Variants in PTRHD1 observed in about 807,000 individuals in gnomAD.
The protein encoded by PTRHD1 is peptidyl-tRNA hydrolase domain containing 1, also known as putative peptidyl-tRNA hydrolase PTRHD1.
PTRHD1 carries 12 observed loss-of-function variants against 13.6 expected under a neutral mutation model. The ratio of observed to expected loss-of-function variants is 0.88; its 90% CI spans 0.57 to 1.43. The LOEUF is 1.43. Among genes scored for constraint, PTRHD1 ranks in the 40% most tolerant of loss-of-function variants. PTRHD1 has a pLI of 0.00. For missense variants in PTRHD1, 203 were observed against 184.7 expected, an observed-to-expected ratio of 1.10 and a Z score of -0.57; for synonymous variants, 86 against 79.5, an observed-to-expected ratio of 1.08 and a Z score of -0.43.
At chr2:24,793,034 C>T in intron 1 of PTRHD1, 92 bp downstream of exon 1, 1 of 1,434,792 alleles carries the variant, frequency 7.0e-7, no homozygotes, top group African/African-American at 1.4e-5. Flanking sequence ...TCCCGCCGCA[C>T]CCACTCCCCG....
At chr2:24,792,339 T>G (rs747345859) in intron 1 of PTRHD1, 12 of 152,204 alleles carry the variant, frequency 7.9e-5, no homozygotes, top group Non-Finnish European at 1.8e-4. Context: ...AGGTAGAAAA[T>G]TTTAAAAATA....
chr2:24,793,166 T>C lies in PTRHD1; in HGVS notation c.212A>G (p.Tyr71Cys). 1 of 1,613,348 alleles carries C rather than the reference T, an allele frequency of 6.2e-7. No homozygotes were observed. The change falls in exon 1 of 2, where the codon TAC (tyrosine) becomes TGC (cysteine). Residue 71 changes from tyrosine (Y) to cysteine (C), a missense_variant. Tyr to Cys is a radical substitution (Grantham distance 194). Transcript: ENST00000328379. ...THRDHPHTAA[Y>C]LQELGRMRKV... ...GCGCATGCGCCCCAGCTCTTGGAGGTAAGCGGCTGTGTGCGGGTGGTCGCG... is the reference window on the plus strand; with the variant it reads ...GCGCATGCGCCCCAGCTCTTGGAGGCAAGCGGCTGTGTGCGGGTGGTCGCG...
intron 1 of PTRHD1, chr2:24,791,648 A>G (rs1665627795): frequency 6.6e-6 from 1 of 152,194 alleles, no homozygotes; most frequent in Admixed American, 6.5e-5. Context: ...GCAGCAGCAG[A>G]GCATAGTGAG....
At chr2:24,792,205 T>C (rs6545730) in intron 1 of PTRHD1, among the ~76,000 whole-genome samples, 116,806 of 152,178 alleles carry the variant, frequency 0.77, 45,811 homozygotes, top group East Asian at 0.96. Flanking sequence ...TCTATCTTTG[T>C]CAGTTACCCA....
intron 1 of PTRHD1, 101 bp downstream of exon 1, chr2:24,793,025 C>A (rs894772230): frequency 3.6e-6 from 5 of 1,385,682 alleles, no homozygotes; most frequent in Non-Finnish European, 4.9e-6. Context: ...CACCCCAACT[C>A]CCGCCGCACC....
chr2:24,790,502 T>G lies in PTRHD1; in HGVS notation c.332A>C (p.Gln111Pro), dbSNP rs141610089. Residue 111 changes from glutamine to proline, a missense_variant, in exon 2 of 2, where the codon CAA becomes CCA. Coordinates refer to ENST00000328379, the MANE Select transcript of PTRHD1 (RefSeq NM_001013663.2). ...KNIDHMLWLE[Q>P]PENIATCIAL... ...AATACAAGTGGCGATATTCTCTGGT[T>G]GCTCAAGCCACAGCATGTGGTCAAT... The G allele has an allele frequency of 1.9e-6, 3 of 1,614,234 alleles. No individual in the cohort carries two copies. Among genetic ancestry groups the G allele is most frequent in the African/African-American group, 2.7e-5 (2 of 75,064 alleles).
chr2:24,789,781 T>C lies in PTRHD1; in HGVS notation c.*630A>G, dbSNP rs1328262109. Reference sequence around the variant, plus strand: ...TAATAAATCTGTATGTATGTACATATATATAGACACACACAAATTTTAACT... The same window carrying C: ...TAATAAATCTGTATGTATGTACATACATATAGACACACACAAATTTTAACT... On this transcript the variant is annotated 3_prime_UTR_variant, in exon 2 of 2. Transcript: ENST00000328379. 2 of 152,496 alleles carry C rather than the reference T, an allele frequency of 1.3e-5. No homozygotes were observed. Among genetic ancestry groups the C allele is most frequent in the African/African-American group, 4.8e-5 (2 of 41,468 alleles). 9.4% of individuals were successfully genotyped at this position (152,496 alleles called of 1,614,324 possible).
At chr2:24,793,090 T>C in intron 1 of PTRHD1, 36 bp downstream of exon 1, 4 of 1,595,524 alleles carry the variant, frequency 2.5e-6, no homozygotes, top group Non-Finnish European at 2.6e-6. Context: ...CCGCCCTCGA[T>C]GTCTCAGCAC....
In PTRHD1 at chr2:24,793,037, A is replaced by G. The variant is rs180831097; in HGVS notation, c.252+89T>C. The G allele has an allele frequency of 3.9e-5, 56 of 1,452,316 alleles. No homozygotes were observed. The East Asian group carries it at 1.4e-3, about 36-fold the overall frequency. 90.0% of individuals were successfully genotyped at this position (1,452,316 alleles called of 1,614,324 possible). A position where few individuals can be genotyped will look rare whatever the true frequency, so the allele number is the denominator to read the frequency against. ...GATCACCCCAACTCCCGCCGCACCCACTCCCCGCAGCCAGGCCTTCGGACC... is the reference window on the plus strand; with the variant it reads ...GATCACCCCAACTCCCGCCGCACCCGCTCCCCGCAGCCAGGCCTTCGGACC... On this transcript the variant is annotated intron_variant, in intron 1 of 1. Transcript: ENST00000328379.
chr2:24,790,469 C>G lies in PTRHD1; in HGVS notation c.365G>C (p.Arg122Pro). ...PENIATCIALRPYPKEEVGQY... is the reference protein window; with the variant it reads ...PENIATCIALPPYPKEEVGQY... ...GCCCACTTCTTCCTTGGGGTAGGGCCGGAGAGCAATACAAGTGGCGATATT... is the reference window on the plus strand; with the variant it reads ...GCCCACTTCTTCCTTGGGGTAGGGCGGGAGAGCAATACAAGTGGCGATATT... Residue 122 changes from arginine (R) to proline (P), a missense_variant, in exon 2 of 2, where the codon CGG becomes CCG. Arg to Pro is a moderately radical substitution (Grantham distance 103). Coordinates refer to ENST00000328379, the MANE Select transcript of PTRHD1 (RefSeq NM_001013663.2). The G allele has an allele frequency of 6.2e-7, 1 of 1,614,108 alleles. No homozygotes were observed. The highest frequency in any genetic ancestry group is 8.5e-7 in the Non-Finnish European group (1 of 1,180,024).
Position 24,790,342 on chromosome 2 carries a change from T to G in PTRHD1, c.*69A>C. ...TCACAACTGAAAGACGGGAGCAAGC[T>G]GACACTGCAAGGAACACATGATGCT... On this transcript the variant is annotated 3_prime_UTR_variant, in exon 2 of 2. Transcript: ENST00000328379. The G allele has an allele frequency of 2.0e-6, 3 of 1,533,074 alleles. No homozygotes were observed. The highest frequency in any genetic ancestry group is 2.7e-6 in the Non-Finnish European group (3 of 1,131,518). 95.0% of individuals were successfully genotyped at this position (1,533,074 alleles called of 1,614,324 possible).
At chr2:24,792,249 T>C (rs1214555892) in intron 1 of PTRHD1, 1 of 152,262 alleles carries the variant, frequency 6.6e-6, no homozygotes, top group African/African-American at 2.4e-5. Flanking sequence ...ACCTGAGTTC[T>C]GGCTTAAAGC....
chr2:24,793,287 A>C lies in PTRHD1; in HGVS notation c.91T>G (p.Leu31Val), dbSNP rs145359139. Residue 31 changes from leucine (L) to valine (V), a missense_variant, in exon 1 of 2, where the codon TTA (leucine) becomes GTA (valine). Coordinates refer to ENST00000328379, the MANE Select transcript of PTRHD1 (RefSeq NM_001013663.2). ...EPQVLVQYLV[L>V]RKDLSQAPFS... ...GGAGCTTGTGATAGATCCTTTCGTAACACCAAGTATTGTACCAGGACCTGC... is the reference window on the plus strand; with the variant it reads ...GGAGCTTGTGATAGATCCTTTCGTACCACCAAGTATTGTACCAGGACCTGC... 7 of 1,613,792 alleles carry C rather than the reference A, an allele frequency of 4.3e-6. No homozygotes were observed. The African/African-American group carries it at 8.0e-5, about 18-fold the overall frequency.
chr2:24,790,566 TG>T lies in PTRHD1; in HGVS notation c.267del (p.Thr90ProfsTer2), dbSNP rs1416388783. The T allele has an allele frequency of 6.2e-7, 1 of 1,613,476 alleles. No individual in the cohort carries two copies. The highest frequency in any genetic ancestry group is 8.5e-7 in the Non-Finnish European group (1 of 1,179,756). On this transcript the variant is annotated frameshift_variant, in exon 2 of 2. Transcript: ENST00000328379. LOFTEE classifies it high-confidence loss of function. ...AGGGTCTCGGCCAGCTCCTTTAGGG[TG>T]GTCTCATCTGGGGCCTAAAGGAGAA... is the stretch of plus-strand genomic sequence containing the variant. ...RKVVLEAPDETTLKELAETLQ... is the reference protein window; with the variant it reads ...RKVVLEAPDEXTLKELAETLQ...
chr2:24,790,868 G>A (rs1665606334), intron 1 of PTRHD1, among the ~76,000 whole-genome samples: 1 of 151,990 alleles, frequency 6.6e-6, no homozygotes, highest in Non-Finnish European at 1.5e-5. Context: ...GCTCTCCTAT[G>A]GCTGGCGCCC....
Position 24,793,213 on chromosome 2 carries a change from G to A in PTRHD1, c.165C>T (p.Ala55=). The A allele has an allele frequency of 1.9e-6, 3 of 1,613,478 alleles. No homozygotes were observed. Among genetic ancestry groups the A allele is most frequent in the Non-Finnish European group, 2.5e-6 (3 of 1,180,004 alleles). Reference sequence around the variant, plus strand: ...CGCGGTGAGTGTGCAAGGCCGCGGTGGCCGCGTGACAAGCCTGCGCTACCA... The same window carrying A: ...CGCGGTGAGTGTGCAAGGCCGCGGTAGCCGCGTGACAAGCCTGCGCTACCA... The part of the protein sequence containing the change: ...GALVAQACHA[A]TAALHTHRDH... The change falls in exon 1 of 2, where the codon GCC becomes GCT. Residue 55 remains alanine, a synonymous_variant. Transcript: ENST00000328379.
chr2:24,791,167 C>T (rs1665614118), intron 1 of PTRHD1, among the ~76,000 whole-genome samples: 1 of 152,084 alleles, frequency 6.6e-6, no homozygotes, highest in African/African-American at 2.4e-5. Flanking sequence ...TCAAGCAATC[C>T]ACCCACCTAA....
intron 1 of PTRHD1, 171 bp downstream of exon 1, chr2:24,792,955 G>C: frequency 1.3e-6 from 1 of 777,292 alleles, no homozygotes; most frequent in East Asian, 2.7e-5. Context: ...TCTTCACACA[G>C]TCAGGCCCTT....
At position 24,790,354 on chromosome 2, in the gene PTRHD1, G is replaced by A. The variant is rs1241992628; in HGVS notation, c.*57C>T. On this transcript the variant is annotated 3_prime_UTR_variant, in exon 2 of 2. Transcript: ENST00000328379. ...GACGGGAGCAAGCTGACACTGCAAG[G>A]AACACATGATGCTTTGGAATGGGTG... is the stretch of plus-strand genomic sequence containing the variant. 1 of 1,569,732 alleles carries A rather than the reference G, an allele frequency of 6.4e-7. No individual in the cohort carries two copies. Among genetic ancestry groups the A allele is most frequent in the Non-Finnish European group, 8.7e-7 (1 of 1,153,296 alleles).
Sources: gnomAD v4.1 joint callset for allele counts (sites outside exome capture counted in the v4.1 genomes callset) on GRCh38, gnomAD v4.1.1 for gene constraint, MANE v1.5 for transcripts, NCBI Gene and HGNC (gene_info 2026-07-23, HGNC 2026-07-21) for gene names.